DGKG: variants seen among roughly 807,000 people sequenced by gnomAD.
DGKG encodes the protein diacylglycerol kinase gamma, also known as DAG kinase gamma.
In DGKG, 78 loss-of-function variants were observed where a neutral mutation model predicts 105.3. That is an observed-to-expected ratio of 0.74 (90% confidence interval 0.62 to 0.89). The LOEUF (loss-of-function observed/expected upper bound fraction) is 0.89, where lower values mean the gene tolerates loss of function less well. Ranked by LOEUF, DGKG falls within the 40% of genes least tolerant of loss-of-function variation. The pLI is 0.00. For missense variants in DGKG, 958 were observed against 1,020.1 expected (o/e 0.94, Z 0.83); for synonymous variants, 346 against 367.1 (o/e 0.94, Z 0.66).
intron 24 of DGKG, among the ~76,000 whole-genome samples, chr3:186,154,929 T>C (rs1715961170): frequency 6.6e-6 from 1 of 152,144 alleles, no homozygotes; most frequent in South Asian, 2.1e-4. Context: ...TGTAGATGCA[T>C]ACTCAAGTCT....
At chr3:186,259,957 A>G (rs1721680479) in intron 16 of DGKG, among the ~76,000 whole-genome samples, 1 of 152,222 alleles carries the variant, frequency 6.6e-6, no homozygotes. Flanking sequence ...AAGTGATTCC[A>G]TTGAACAAGT....
At position 186,327,840 on chromosome 3, in the gene DGKG, T is replaced by C. The variant is rs559622489; in HGVS notation, c.-248-7133A>G. Among the ~76,000 whole-genome samples the C allele has an allele frequency of 2.8e-3, 431 of 152,286 alleles. 3 individuals carry two copies. The highest frequency in any genetic ancestry group is 9.6e-3 in the African/African-American group (400 of 41,544). On this transcript the variant is annotated intron_variant, in intron 1 of 24. Transcript: ENST00000265022. ...GAGATCTTTCTCATTTAGAATTAAATAGGACTCTGACACTTATCTCCTTAA... is the reference window on the plus strand; with the variant it reads ...GAGATCTTTCTCATTTAGAATTAAACAGGACTCTGACACTTATCTCCTTAA...
In DGKG at chr3:186,268,842, G is replaced by T; in HGVS notation, c.1075C>A (p.Gln359Lys). 1.2e-6 allele frequency: 2 copies of T among 1,614,002 alleles called. No homozygotes were observed. Among genetic ancestry groups the T allele is most frequent in the South Asian group, 1.1e-5 (1 of 91,076 alleles). ...ACGCAGTGCCGCGCGGTGACACTCT[G>T]GTAGCACTTGATACTTTTGTGGCAC... ...DRCHKSIKCY[Q>K]SVTARHCVWC... The change falls in exon 12 of 25, where the codon CAG (glutamine) becomes AAG (lysine). Residue 359 changes from glutamine (Q) to lysine (K), a missense_variant. By Grantham distance (53) the Gln-to-Lys change is moderately conservative. Coordinates refer to ENST00000265022, the MANE Select transcript of DGKG (RefSeq NM_001346.3).
intron 14 of DGKG, among the ~76,000 whole-genome samples, chr3:186,263,392 C>A (rs1409592985): frequency 1.3e-5 from 2 of 151,910 alleles, no homozygotes; most frequent in Non-Finnish European, 2.9e-5. Flanking sequence ...TATGGTGAAA[C>A]CCCATCTCTA....
At chr3:186,165,110 G>A (rs781309854) in intron 22 of DGKG, 92 bp from the exon 23 acceptor site, 19 of 1,404,306 alleles carry the variant, frequency 1.4e-5, no homozygotes, top group Non-Finnish European at 1.7e-5. Context: ...GATGGCCAAT[G>A]TCTGTATCCC....
At position 186,147,672 on chromosome 3, in the gene DGKG, T is replaced by A. The variant is rs1002933071; in HGVS notation, c.*2418A>T. ...GGCCATTTTCTGCACTGCCCCTTCA[T>A]GAGACCTGTGAGTCTCTGAGAATCA... On this transcript the variant is annotated 3_prime_UTR_variant, in exon 25 of 25. Coordinates refer to ENST00000265022, the MANE Select transcript of DGKG (RefSeq NM_001346.3). 1 of 985,336 alleles carries A rather than the reference T, an allele frequency of 1.0e-6. No homozygotes were observed. The highest frequency in any genetic ancestry group is 1.7e-5 in the African/African-American group (1 of 57,240). The allele number at this position is 985,336 out of a possible 1,614,324, so 61.0% of individuals were successfully genotyped here.
intron 1 of DGKG, among the ~76,000 whole-genome samples, chr3:186,358,659 CT>C (rs571198419): frequency 1.4e-3 from 203 of 142,220 alleles, no homozygotes; most frequent in Middle Eastern, 7.1e-3. Context: ...GCCTTGATTT[CT>C]TTTTTTTTTT....
chr3:186,211,676 A>T (rs1162884096), intron 21 of DGKG, 119 bp downstream of exon 21: 1 of 732,976 alleles, frequency 1.4e-6, no homozygotes, highest in Admixed American at 2.1e-5. Context: ...ATGGAGAAAC[A>T]ACAGAGACTA....
At chr3:186,287,186 C>G (rs1723110242) in intron 6 of DGKG, among the ~76,000 whole-genome samples, 1 of 151,894 alleles carries the variant, frequency 6.6e-6, no homozygotes, top group Non-Finnish European at 1.5e-5. Flanking sequence ...TTAAAAATAT[C>G]TAGGATAATT....
At chr3:186,214,627 C>T (rs6782769) in intron 20 of DGKG, among the ~76,000 whole-genome samples, 3,709 of 152,222 alleles carry the variant, frequency 0.024, 121 homozygotes, top group African/African-American at 0.086. Context: ...CAGAGTCATA[C>T]CATGCCCTAA....
At chr3:186,354,068 G>C (rs1726784422) in intron 1 of DGKG, among the ~76,000 whole-genome samples, 2 of 152,232 alleles carry the variant, frequency 1.3e-5, no homozygotes, top group South Asian at 4.2e-4. Flanking sequence ...TGGGGATCAG[G>C]AACATCCTTG....
chr3:186,342,958 A>C (rs548635075), intron 1 of DGKG, among the ~76,000 whole-genome samples: 4 of 152,336 alleles, frequency 2.6e-5, no homozygotes, highest in African/African-American at 9.6e-5. Flanking sequence ...AGAAAGGCAC[A>C]CAACCAAGGA....
At chr3:186,304,205 T>G (rs531334182) in intron 3 of DGKG, among the ~76,000 whole-genome samples, 1 of 152,324 alleles carries the variant, frequency 6.6e-6, no homozygotes, top group East Asian at 1.9e-4. Flanking sequence ...ACAAGCTGAT[T>G]AGCAGCCGCC....
intron 13 of DGKG, among the ~76,000 whole-genome samples, chr3:186,266,010 A>T (rs2108578841): frequency 6.6e-6 from 1 of 152,118 alleles, no homozygotes. Context: ...TAATGATATG[A>T]TATTGTCATT....
At chr3:186,350,777 A>G (rs891695146) in intron 1 of DGKG, among the ~76,000 whole-genome samples, 1 of 152,128 alleles carries the variant, frequency 6.6e-6, no homozygotes, top group African/African-American at 2.4e-5. Flanking sequence ...TTTAAAAAAT[A>G]TACATAATAG....
In DGKG at chr3:186,147,554, T is replaced by C; in HGVS notation, c.*2536A>G. On this transcript the variant is annotated 3_prime_UTR_variant, in exon 25 of 25. Coordinates refer to ENST00000265022, the MANE Select transcript of DGKG (RefSeq NM_001346.3). ...TACCAAACTGGAAGTGCAATTCCAC[T>C]GAAGTTGTTATACTCCATGCCTCTA... The C allele has an allele frequency of 1.0e-6, 1 of 985,406 alleles. No homozygotes were observed. The highest frequency in any genetic ancestry group is 1.2e-6 in the Non-Finnish European group (1 of 829,924). The allele number at this position is 985,406 out of a possible 1,614,324, so 61.0% of individuals were successfully genotyped here.
Position 186,257,789 on chromosome 3 carries a change from C to T in DGKG, c.1510+65G>A, listed in dbSNP as rs1578736362. 1.1e-5 allele frequency: 14 copies of T among 1,299,058 alleles called. No homozygotes were observed. The East Asian group carries it at 3.0e-4, about 28-fold the overall frequency. 80.5% of individuals were successfully genotyped at this position (1,299,058 alleles called of 1,614,324 possible). The stretch of plus-strand genomic sequence containing the variant: ...TCCATGTCTCTTTCTTTTTTATTGC[C>T]TTCTGCTGATTGTAAATACGCTTAC... On this transcript the variant is annotated intron_variant, in intron 17 of 24. Coordinates refer to ENST00000265022, the MANE Select transcript of DGKG (RefSeq NM_001346.3).
intron 3 of DGKG, among the ~76,000 whole-genome samples, chr3:186,303,302 T>C (rs1560144335): frequency 1.3e-5 from 2 of 152,140 alleles, no homozygotes; most frequent in Non-Finnish European, 2.9e-5. Flanking sequence ...GACCAACCAC[T>C]ATGAGGCATG....
chr3:186,320,477 G>A lies in DGKG; in HGVS notation c.-18C>T. On this transcript the variant is annotated 5_prime_UTR_variant, in exon 2 of 25. Transcript: ENST00000265022. ...TCACCCATTTTTAAACTTTATGTGA[G>A]TGGCTAAAGGGCAGTGATGGAGTTT... is the stretch of plus-strand genomic sequence containing the variant. 1.2e-6 allele frequency: 2 copies of A among 1,614,180 alleles called. No homozygotes were observed. The highest frequency in any genetic ancestry group is 1.7e-6 in the Non-Finnish European group (2 of 1,180,012).
Sources: allele counts gnomAD v4.1 joint callset (sites outside exome capture counted in the v4.1 genomes callset), GRCh38; gene constraint gnomAD v4.1.1; transcripts MANE v1.5; gene names NCBI Gene and HGNC (gene_info 2026-07-23, HGNC 2026-07-21).